Variants in ANO6 observed in about 807,000 individuals in gnomAD.
The protein encoded by ANO6 is anoctamin 6.
Under a neutral mutation model 117.5 loss-of-function variants are expected in ANO6, and 106 were observed. That is an observed-to-expected ratio of 0.90 (90% CI 0.77 to 1.06). The LOEUF (loss-of-function observed/expected upper bound fraction) is 1.06. Ranked by LOEUF, ANO6 falls within the 50% of genes least tolerant of loss-of-function variation. The pLI is 0.00. For synonymous variants in ANO6, 367 were observed against 385.1 expected (o/e 0.95, Z 0.55); for missense variants, 955 against 1,121.1 (o/e 0.85, Z 2.12).
chr12:45,284,148 T>TG (rs1013738781), intron 1 of ANO6, among the ~76,000 whole-genome samples: 1 of 152,082 alleles, frequency 6.6e-6, no homozygotes, highest in Non-Finnish European at 1.5e-5. Flanking sequence ...GAAACACAAT[T>TG]GGAAAAAAGG....
intron 3 of ANO6, among the ~76,000 whole-genome samples, chr12:45,333,507 G>C (rs1940735349): frequency 6.6e-6 from 1 of 151,980 alleles, no homozygotes; most frequent in Non-Finnish European, 1.5e-5. Context: ...CCATGATGAA[G>C]GGCCCTAGAG....
chr12:45,280,199 T>C (rs1938678288), intron 1 of ANO6, among the ~76,000 whole-genome samples: 1 of 152,188 alleles, frequency 6.6e-6, no homozygotes, highest in Non-Finnish European at 1.5e-5. Context: ...GAAAAGATAA[T>C]ACGCCCATCT....
intron 3 of ANO6, among the ~76,000 whole-genome samples, chr12:45,339,659 T>A (rs1451593183): frequency 6.6e-6 from 1 of 152,152 alleles, no homozygotes; most frequent in African/African-American, 2.4e-5. Context: ...TAAATGTTTT[T>A]ATCACCAACA....
At chr12:45,347,990 T>A in intron 4 of ANO6, 38 bp from the exon 5 acceptor site, 1 of 1,592,492 alleles carries the variant, frequency 6.3e-7, no homozygotes, top group Non-Finnish European at 8.6e-7. Context: ...GTGAAAAGAG[T>A]TGGTTTCTTG....
At chr12:45,230,499 A>G (rs1383760475) in intron 1 of ANO6, among the ~76,000 whole-genome samples, 2 of 150,658 alleles carry the variant, frequency 1.3e-5, no homozygotes, top group Admixed American at 6.6e-5. Context: ...AAAATATACA[A>G]GGGATGGTTC....
At chr12:45,438,874 C>T (rs149228951) in intron 19 of ANO6, among the ~76,000 whole-genome samples, 72 of 152,122 alleles carry the variant, frequency 4.7e-4, no homozygotes, top group African/African-American at 1.7e-3. Flanking sequence ...TTCTTTCAAA[C>T]AGGGAATATT....
At position 45,347,051 on chromosome 12, in the gene ANO6, T is replaced by C; in HGVS notation, c.309T>C (p.Leu103=). Residue 103 remains leucine, a synonymous_variant, in exon 4 of 20, where the codon CTT becomes CTC. Transcript: ENST00000320560. ...AAAGACAAGCATACGAATCTAACCT[T>C]ATCTGTCATGGCCTGCAGTTAGAAG... ...RRKRQAYESN[L]ICHGLQLEAT... is the part of the protein sequence containing the mutation. 2 of 1,614,070 alleles carry C rather than the reference T, an allele frequency of 1.2e-6. No homozygotes were observed. Among genetic ancestry groups the C allele is most frequent in the Non-Finnish European group, 1.7e-6 (2 of 1,179,952 alleles).
At chr12:45,295,870 T>C (rs1318370353) in intron 1 of ANO6, among the ~76,000 whole-genome samples, 6 of 152,030 alleles carry the variant, frequency 3.9e-5, no homozygotes, top group Non-Finnish European at 7.4e-5. Flanking sequence ...TTTATTTTTA[T>C]TTTTATTTTT....
intron 1 of ANO6, among the ~76,000 whole-genome samples, chr12:45,248,092 A>C (rs1454037986): frequency 6.6e-6 from 1 of 152,250 alleles, no homozygotes; most frequent in Non-Finnish European, 1.5e-5. Flanking sequence ...CTTGGATATA[A>C]CAATGAGTTA....
rs1049964387 is a variant in ANO6 at position 45,409,444 on chromosome 12, G to T, written c.1968G>T (p.Gln656His). ...GATGGGAACAGGACTACCATCTGCA[G>T]CCTATGGGCAAACTGGGATTATTTT... ...TPRWEQDYHL[Q>H]PMGKLGLFYE... is the part of the protein sequence containing the mutation. The change falls in exon 16 of 20, where the codon CAG becomes CAT. Residue 656 changes from glutamine to histidine, a missense_variant. Transcript: ENST00000320560. 6.2e-7 allele frequency: 1 copy of T among 1,614,060 alleles called. No individual in the cohort carries two copies. The highest frequency in any genetic ancestry group is 1.3e-5 in the African/African-American group (1 of 75,046).
chr12:45,401,791 T>G lies in ANO6; in HGVS notation c.1387-4T>G. 1.2e-6 allele frequency: 2 copies of G among 1,612,606 alleles called. No individual in the cohort carries two copies. The highest frequency in any genetic ancestry group is 1.7e-6 in the Non-Finnish European group (2 of 1,178,980). ...TCATGCTACTGTGTTTGTTGTGCTT[T>G]CAGATCCTATTGATCATCGCTTCAG... On this transcript the variant is annotated splice_region_variant and splice_polypyrimidine_tract_variant and intron_variant, in intron 12 of 19. Transcript: ENST00000320560.
intron 3 of ANO6, among the ~76,000 whole-genome samples, chr12:45,332,420 G>A (rs1012687593): frequency 1.3e-5 from 2 of 151,768 alleles, no homozygotes; most frequent in Non-Finnish European, 2.9e-5. Flanking sequence ...CAAATCAAGC[G>A]ATAAAACCTT....
chr12:45,225,857 A>G (rs906078472), intron 1 of ANO6, among the ~76,000 whole-genome samples: 7 of 152,264 alleles, frequency 4.6e-5, no homozygotes, highest in African/African-American at 1.7e-4. Flanking sequence ...GGGTCTGTGC[A>G]AGAGTAGTCA....
chr12:45,249,790 G>A (rs1298112762), intron 1 of ANO6, among the ~76,000 whole-genome samples: 4 of 152,158 alleles, frequency 2.6e-5, no homozygotes, highest in Non-Finnish European at 4.4e-5. Flanking sequence ...CTTACAGTGC[G>A]CTAGCCCTGT....
intron 1 of ANO6, among the ~76,000 whole-genome samples, chr12:45,274,152 T>C (rs1219781534): frequency 9.2e-5 from 14 of 152,118 alleles, no homozygotes; most frequent in African/African-American, 3.1e-4. Flanking sequence ...CTGACCCTCT[T>C]CCCCATCTCC....
chr12:45,233,857 G>T (rs1270580625), intron 1 of ANO6, among the ~76,000 whole-genome samples: 1 of 152,148 alleles, frequency 6.6e-6, no homozygotes, highest in Non-Finnish European at 1.5e-5. Flanking sequence ...TCGTTCTAAA[G>T]AAATCATGTA....
intron 18 of ANO6, among the ~76,000 whole-genome samples, chr12:45,421,917 C>A (rs1274955932): frequency 6.6e-6 from 1 of 152,030 alleles, no homozygotes; most frequent in African/African-American, 2.4e-5. Flanking sequence ...TTTTCCTGGA[C>A]CATAGAGTTT....
chr12:45,398,140 G>A (rs1942678484), intron 12 of ANO6, among the ~76,000 whole-genome samples: 2 of 152,158 alleles, frequency 1.3e-5, no homozygotes, highest in African/African-American at 4.8e-5. Flanking sequence ...AGATATATTT[G>A]TTAACAATAG....
At chr12:45,250,289 A>G (rs1034680198) in intron 1 of ANO6, among the ~76,000 whole-genome samples, 2 of 152,256 alleles carry the variant, frequency 1.3e-5, no homozygotes, top group African/African-American at 4.8e-5. Context: ...AACTTGGATC[A>G]GAAGTTTTAT....
Sources: gnomAD v4.1 joint callset for allele counts (sites outside exome capture counted in the v4.1 genomes callset) on GRCh38, gnomAD v4.1.1 for gene constraint, MANE v1.5 for transcripts, NCBI Gene and HGNC (gene_info 2026-07-23, HGNC 2026-07-21) for gene names.